Variants in ATP2B4 observed in about 807,000 individuals in gnomAD.
ATP2B4 encodes the protein plasma membrane calcium-transporting ATPase 4.
In ATP2B4, 39 loss-of-function variants were observed where a neutral mutation model predicts 110.3. The observed-to-expected ratio is 0.35, with a 90% CI of 0.27 to 0.46. The LOEUF (loss-of-function observed/expected upper bound fraction) is 0.46, where lower values mean the gene tolerates loss of function less well. Ranked by LOEUF, ATP2B4 falls within the 20% of genes least tolerant of loss-of-function variation. The probability of loss-of-function intolerance (pLI) is 1.00; values close to 1 mark genes in which losing one functional copy is unlikely to be tolerated. For missense variants in ATP2B4, 1,135 were observed against 1,530.9 expected (o/e 0.74, Z 4.32); for synonymous variants, 538 against 571.7 (o/e 0.94, Z 0.84).
chr1:203,704,467 CTTTTTTTTTTTTTTTTTTT>C, intron 8 of ATP2B4, among the ~76,000 whole-genome samples: 1 of 68,794 alleles, frequency 1.5e-5, no homozygotes, highest in South Asian at 5.7e-4. Context: ...AAGGAACAGT[CTTTTTTTTTTTTTTTTTTT>C]TTTTTTTTTT....
At chr1:203,733,422 T>C in intron 20 of ATP2B4, 1 of 1,586,688 alleles carries the variant, frequency 6.3e-7, no homozygotes, top group Non-Finnish European at 8.6e-7. Flanking sequence ...TCTATTATGA[T>C]GCATGATTTG....
intron 20 of ATP2B4, among the ~76,000 whole-genome samples, chr1:203,729,406 G>A (rs540243924): frequency 1.2e-3 from 184 of 151,580 alleles, no homozygotes; most frequent in African/African-American, 3.7e-3. Flanking sequence ...TTAGCTGGAC[G>A]TGGTGGTGGG....
At chr1:203,702,552 C>T (rs1368273738) in intron 7 of ATP2B4, among the ~76,000 whole-genome samples, 11 of 152,188 alleles carry the variant, frequency 7.2e-5, no homozygotes, top group Non-Finnish European at 1.5e-4. Context: ...CTCAGGGGTG[C>T]TTGGAGAGAG....
chr1:203,682,186 G>A (rs535697082), intron 1 of ATP2B4, among the ~76,000 whole-genome samples: 1 of 152,216 alleles, frequency 6.6e-6, no homozygotes, highest in South Asian at 2.1e-4. Flanking sequence ...TACTCTAAGG[G>A]GCTTTGGAAG....
intron 17 of ATP2B4, among the ~76,000 whole-genome samples, chr1:203,722,189 G>C (rs1666356992): frequency 6.6e-6 from 1 of 152,074 alleles, no homozygotes; most frequent in Admixed American, 6.6e-5. Context: ...CAAAAAATTA[G>C]CCAGGCATGG....
chr1:203,709,417 C>G lies in ATP2B4; in HGVS notation c.1674C>G (p.Pro558=). The stretch of plus-strand genomic sequence containing the variant: ...ATCAGGCTGTGCGTAATGAAGTGCC[C>G]GAGGAGAAGCTCTACAAGGTGTACA... ...QDYQAVRNEV[P]EEKLYKVYTF... The change falls in exon 11 of 21, where the codon CCC becomes CCG. Residue 558 remains proline (P), a synonymous_variant. Transcript: ENST00000357681. 6 of 1,614,160 alleles carry G rather than the reference C, an allele frequency of 3.7e-6. No homozygotes were observed. In the South Asian group the frequency reaches 6.6e-5, roughly 18 times the overall value.
rs561558904 is a variant in ATP2B4, at chr1:203,638,834, G to C, written c.-465+11615G>C. Reference sequence around the variant, plus strand: ...TCTAGAAACCATAAAGGTGCTGGTGGCATGATTGTTACTGTTGCTGTTATT... The same window carrying C: ...TCTAGAAACCATAAAGGTGCTGGTGCCATGATTGTTACTGTTGCTGTTATT... On this transcript the variant is annotated intron_variant, in intron 1 of 20. Coordinates refer to ENST00000357681, the MANE Select transcript of ATP2B4 (RefSeq NM_001684.5). Among the ~76,000 whole-genome samples the C allele has an allele frequency of 1.9e-3, 290 of 152,324 alleles. 1 individual carries two copies. Among genetic ancestry groups the C allele is most frequent in the African/African-American group, 6.7e-3 (277 of 41,564 alleles).
rs373789028 is a variant in ATP2B4, at chr1:203,707,049, A to G, written c.1140A>G (p.Leu380=). 1.2e-6 allele frequency: 2 copies of G among 1,613,894 alleles called. No homozygotes were observed. Among genetic ancestry groups the G allele is most frequent in the Non-Finnish European group, 1.7e-6 (2 of 1,179,968 alleles). Residue 380 remains leucine (L), a synonymous_variant, in exon 9 of 21, where the codon CTA becomes CTG. Transcript: ENST00000357681. ...CTCTCACGGTTTTCATCCTGATTCT[A>G]TACTTTGTGATTGACAACTTTGTGA... The part of the protein sequence containing the change: ...MSALTVFILI[L]YFVIDNFVIN...
intron 1 of ATP2B4, among the ~76,000 whole-genome samples, chr1:203,637,864 G>A (rs991270017): frequency 6.6e-6 from 1 of 152,182 alleles, no homozygotes; most frequent in African/African-American, 2.4e-5. Flanking sequence ...ATTTAAGAAA[G>A]GAGGAAATGG....
Position 203,699,710 on chromosome 1 carries a change from C to T in ATP2B4, c.642C>T (p.Val214=). 1 of 1,613,874 alleles carries T rather than the reference C, an allele frequency of 6.2e-7. No homozygotes were observed. The highest frequency in any genetic ancestry group is 8.5e-7 in the Non-Finnish European group (1 of 1,179,928). The change falls in exon 4 of 21, where the codon GTC becomes GTT. Residue 214 remains valine (V), a synonymous_variant. Transcript: ENST00000357681. ...TTGTGGTTGGTGATATTGCCCAAGT[C>T]AAATACGGTGAGAGCTCCGTGTTTC... The part of the protein sequence containing the change: ...AEIVVGDIAQ[V]KYGDLLPADG...
intron 1 of ATP2B4, among the ~76,000 whole-genome samples, chr1:203,643,961 A>G: frequency 6.6e-6 from 1 of 152,158 alleles, no homozygotes. Flanking sequence ...TAAAGAACGG[A>G]TAGATGGGCC....
intron 15 of ATP2B4, among the ~76,000 whole-genome samples, chr1:203,716,524 T>C (rs1333394734): frequency 6.9e-6 from 1 of 144,942 alleles, no homozygotes; most frequent in African/African-American, 2.5e-5. Flanking sequence ...GCCACCTTTA[T>C]CAGTTAGTTG....
intron 1 of ATP2B4, among the ~76,000 whole-genome samples, chr1:203,650,884 A>T (rs1298031701): frequency 6.6e-6 from 1 of 152,098 alleles, no homozygotes; most frequent in African/African-American, 2.4e-5. Context: ...GTTGATTGAT[A>T]TTTTTTTATT....
chr1:203,683,025 C>G lies in ATP2B4; in HGVS notation c.-181C>G. 1 of 593,048 alleles carries G rather than the reference C, an allele frequency of 1.7e-6. No individual in the cohort carries two copies. Among genetic ancestry groups the G allele is most frequent in the East Asian group, 3.0e-5 (1 of 33,594 alleles). 36.7% of individuals were successfully genotyped at this position (593,048 alleles called of 1,614,324 possible). A position where few individuals can be genotyped will look rare whatever the true frequency, so the allele number is the denominator to read the frequency against. ...CCAGACTTCATACGGAAGAAAGGAT[C>G]TAGACTTCGGACGGCTACTCGGGAG... On this transcript the variant is annotated 5_prime_UTR_variant, in exon 2 of 21. In the 5' UTR this introduces an upstream ATG that the reference lacks. Coordinates refer to ENST00000357681, the MANE Select transcript of ATP2B4 (RefSeq NM_001684.5).
At chr1:203,639,953 A>G (rs1663577197) in intron 1 of ATP2B4, among the ~76,000 whole-genome samples, 1 of 152,200 alleles carries the variant, frequency 6.6e-6, no homozygotes, top group South Asian at 2.1e-4. Context: ...AATGTGGTAT[A>G]AAGGATAAAG....
intron 1 of ATP2B4, among the ~76,000 whole-genome samples, chr1:203,644,427 C>T (rs916033438): frequency 2.0e-5 from 3 of 152,100 alleles, no homozygotes; most frequent in Non-Finnish European, 4.4e-5. Flanking sequence ...TTCCTAATGA[C>T]AGGCAGGGTG....
intron 1 of ATP2B4, among the ~76,000 whole-genome samples, chr1:203,645,097 A>G (rs1224815242): frequency 6.6e-6 from 1 of 152,202 alleles, no homozygotes. Context: ...GCTCTCAGCT[A>G]TATTCAGATT....
At chr1:203,664,980 T>C (rs1284345491) in intron 1 of ATP2B4, among the ~76,000 whole-genome samples, 1 of 152,006 alleles carries the variant, frequency 6.6e-6, no homozygotes, top group Non-Finnish European at 1.5e-5. Flanking sequence ...TACAGGCGCC[T>C]GCCACCGCGC....
chr1:203,628,930 G>A (rs955662465), intron 1 of ATP2B4, among the ~76,000 whole-genome samples: 1 of 152,164 alleles, frequency 6.6e-6, no homozygotes, highest in Non-Finnish European at 1.5e-5. Context: ...GCTTGGTAAG[G>A]CGTGTTCTGG....
Sources: allele counts gnomAD v4.1 joint callset (sites outside exome capture counted in the v4.1 genomes callset), GRCh38; gene constraint gnomAD v4.1.1; transcripts MANE v1.5; gene names NCBI Gene and HGNC (gene_info 2026-07-23, HGNC 2026-07-21).